Variants in GALNT17 observed in about 807,000 individuals in gnomAD.
GALNT17 encodes the protein UDP-GalNAc:polypeptide N-acetylgalactosaminyltransferase-like 3.
GALNT17 carries 29 observed loss-of-function variants against 63.7 expected under a neutral mutation model. The ratio of observed to expected loss-of-function variants is 0.46; its 90% confidence interval spans 0.34 to 0.62. GALNT17 has a LOEUF of 0.62. Ranked by LOEUF, GALNT17 falls within the 20% of genes least tolerant of loss-of-function variation. The pLI is 0.01. For synonymous variants in GALNT17, 305 were observed against 318.3 expected (o/e 0.96, Z 0.45); for missense variants, 603 against 799.6 (o/e 0.75, Z 2.97).
chr7:71,170,459 C>T (rs1788527107), intron 1 of GALNT17, among the ~76,000 whole-genome samples: 1 of 152,056 alleles, frequency 6.6e-6, no homozygotes, highest in South Asian at 2.1e-4. Flanking sequence ...CTTCAGCTTC[C>T]TGAGTAGCTG....
chr7:71,197,482 A>C (rs770625717), intron 1 of GALNT17, among the ~76,000 whole-genome samples: 1 of 151,706 alleles, frequency 6.6e-6, no homozygotes, highest in African/African-American at 2.4e-5. Context: ...TGCTGGGATT[A>C]CAGGCATGAG....
chr7:71,375,549 G>T (rs1792706228), intron 2 of GALNT17, among the ~76,000 whole-genome samples: 1 of 152,234 alleles, frequency 6.6e-6, no homozygotes. Context: ...CAGGTGAGTA[G>T]CTAAGACTAC....
At chr7:71,317,952 C>T (rs1048050280) in intron 1 of GALNT17, among the ~76,000 whole-genome samples, 5 of 152,058 alleles carry the variant, frequency 3.3e-5, no homozygotes, top group Non-Finnish European at 5.9e-5. Flanking sequence ...GACAGGTTCT[C>T]ACCCTGTGGC....
chr7:71,243,961 A>G (rs776104493), intron 1 of GALNT17, among the ~76,000 whole-genome samples: 3 of 152,158 alleles, frequency 2.0e-5, no homozygotes, highest in Non-Finnish European at 4.4e-5. Context: ...AAATGGGAAA[A>G]TGGAACCGAT....
chr7:71,135,251 C>T (rs1235620576), intron 1 of GALNT17, among the ~76,000 whole-genome samples: 1 of 152,158 alleles, frequency 6.6e-6, no homozygotes, highest in Non-Finnish European at 1.5e-5. Context: ...TGATGGAATT[C>T]TTGCTGTGTG....
At chr7:71,177,352 C>T (rs910706330) in intron 1 of GALNT17, among the ~76,000 whole-genome samples, 3 of 152,172 alleles carry the variant, frequency 2.0e-5, no homozygotes, top group Non-Finnish European at 1.5e-5. Flanking sequence ...CCATCCCACT[C>T]TATCCCTCAC....
chr7:71,248,560 T>G (rs1363112476), intron 1 of GALNT17, among the ~76,000 whole-genome samples: 1 of 152,184 alleles, frequency 6.6e-6, no homozygotes, highest in Admixed American at 6.5e-5. Context: ...TGTGTTCATG[T>G]GGTGAAAATA....
At chr7:71,455,974 G>A (rs977539757) in intron 5 of GALNT17, among the ~76,000 whole-genome samples, 3 of 152,150 alleles carry the variant, frequency 2.0e-5, no homozygotes, top group East Asian at 1.9e-4. Flanking sequence ...GGCCGGGGAC[G>A]GTGGCTCACG....
At chr7:71,195,600 T>C (rs1196808022) in intron 1 of GALNT17, among the ~76,000 whole-genome samples, 1 of 151,140 alleles carries the variant, frequency 6.6e-6, no homozygotes, top group Non-Finnish European at 1.5e-5. Flanking sequence ...CAGACTGGAG[T>C]TCAGTGTTGC....
intron 6 of GALNT17, among the ~76,000 whole-genome samples, chr7:71,646,724 C>T (rs1790680914): frequency 6.7e-6 from 1 of 149,132 alleles, no homozygotes; most frequent in Non-Finnish European, 1.5e-5. Context: ...GTGGCTTGGT[C>T]CCAAAAGGGG....
At chr7:71,167,556 C>T (rs1188785350) in intron 1 of GALNT17, among the ~76,000 whole-genome samples, 1 of 152,124 alleles carries the variant, frequency 6.6e-6, no homozygotes, top group Non-Finnish European at 1.5e-5. Context: ...TCTTCTTATT[C>T]TCTTAATAGT....
intron 1 of GALNT17, among the ~76,000 whole-genome samples, chr7:71,296,573 T>A (rs1267676955): frequency 6.6e-6 from 1 of 151,264 alleles, no homozygotes; most frequent in Non-Finnish European, 1.5e-5. Flanking sequence ...CCGAGATCAT[T>A]CCGCTGCACT....
At chr7:71,319,035 G>A (rs1791551848) in intron 1 of GALNT17, among the ~76,000 whole-genome samples, 2 of 148,150 alleles carry the variant, frequency 1.3e-5, no homozygotes, top group Admixed American at 6.8e-5. Flanking sequence ...AGGTTTCTGG[G>A]TTCCTTGGTG....
chr7:71,646,368 G>A (rs1790675929), intron 6 of GALNT17, among the ~76,000 whole-genome samples: 1 of 152,188 alleles, frequency 6.6e-6, no homozygotes, highest in African/African-American at 2.4e-5. Flanking sequence ...GCTCAGCATG[G>A]CAGGACCAGG....
chr7:71,277,463 C>T (rs1016018713), intron 1 of GALNT17, among the ~76,000 whole-genome samples: 3 of 152,002 alleles, frequency 2.0e-5, no homozygotes, highest in East Asian at 3.9e-4. Flanking sequence ...ATGTAACATG[C>T]CTGCACATGG....
intron 9 of GALNT17, among the ~76,000 whole-genome samples, chr7:71,678,200 G>A (rs1209247290): frequency 6.6e-6 from 1 of 151,484 alleles, no homozygotes; most frequent in African/African-American, 2.4e-5. Flanking sequence ...TCTCAGCTCA[G>A]TGCAACCTCC....
chr7:71,674,887 G>A (rs1207805943), intron 8 of GALNT17, among the ~76,000 whole-genome samples: 1 of 152,144 alleles, frequency 6.6e-6, no homozygotes, highest in Admixed American at 6.6e-5. Context: ...CTCGGAAGGG[G>A]TAAAGAAGTT....
chr7:71,615,581 A>T lies in GALNT17; in HGVS notation c.1080+44179A>T, dbSNP rs1252028381. Among the ~76,000 whole-genome samples the T allele has an allele frequency of 4.2e-5, 6 of 142,076 alleles. No homozygotes were observed. In the Admixed American group the frequency reaches 4.6e-4, roughly 11 times the overall value. The allele number at this position is 142,076 out of a possible 152,430, so 93.2% of individuals were successfully genotyped here. A position where few individuals can be genotyped will look rare whatever the true frequency, so the allele number is the denominator to read the frequency against. On this transcript the variant is annotated intron_variant, in intron 6 of 10. Coordinates refer to ENST00000333538, the MANE Select transcript of GALNT17 (RefSeq NM_022479.3). ...AACCTCTGCCTCCTGGGCTCAAAGG[A>T]TTCTCCTGCCTCACCCTCCCAAGTA... is the stretch of plus-strand genomic sequence containing the variant.
intron 9 of GALNT17, among the ~76,000 whole-genome samples, chr7:71,684,379 A>G (rs950817139): frequency 2.6e-5 from 4 of 152,202 alleles, no homozygotes; most frequent in Non-Finnish European, 4.4e-5. Context: ...CCACTGTGGC[A>G]TCTTTCTCAG....
Sources: gnomAD v4.1 joint callset for allele counts (sites outside exome capture counted in the v4.1 genomes callset) on GRCh38, gnomAD v4.1.1 for gene constraint, MANE v1.5 for transcripts, NCBI Gene and HGNC (gene_info 2026-07-23, HGNC 2026-07-21) for gene names.